PPP2R5D: variants seen among roughly 807,000 people sequenced by gnomAD.
PPP2R5D encodes the protein serine/threonine-protein phosphatase 2A 56 kDa regulatory subunit delta isoform.
A neutral mutation model predicts 79.1 loss-of-function variants in PPP2R5D; 12 were observed. That is an observed-to-expected ratio of 0.15 (90% CI 0.10 to 0.25). The LOEUF (loss-of-function observed/expected upper bound fraction) is 0.25. PPP2R5D is among the 10% of genes least tolerant of loss of function. The pLI is 1.00. For synonymous variants in PPP2R5D, 277 were observed against 286.6 expected (o/e 0.97, Z 0.34); for missense variants, 419 against 760.2 (o/e 0.55, Z 5.28).
intron 2 of PPP2R5D, among the ~76,000 whole-genome samples, chr6:42,994,321 CCAGTAAGG>C (rs935845963): frequency 6.6e-6 from 1 of 152,092 alleles, no homozygotes; most frequent in Non-Finnish European, 1.5e-5. Flanking sequence ...TTTTATTCAG[CCAGTAAGG>C]CAGTAAGGCA....
chr6:42,998,013 ATTTATATATATATATATATATAT>A lies in PPP2R5D; in HGVS notation c.105+8326_105+8348del, dbSNP rs1771839907. On this transcript the variant is annotated intron_variant, in intron 2 of 15. Coordinates refer to ENST00000485511, the MANE Select transcript of PPP2R5D (RefSeq NM_006245.4). The stretch of plus-strand genomic sequence containing the variant: ...ATTTATATTTGAATATTTGGGTTTT[ATTTATATATATATATATATATAT>A]ATATATATATATATATATATATTTT... Among the ~76,000 whole-genome samples the A allele has an allele frequency of 7.7e-3, 296 of 38,404 alleles. 3 individuals carry two copies. Among genetic ancestry groups the A allele is most frequent in the Middle Eastern group, 0.022 (1 of 46 alleles). The allele number at this position is 38,404 out of a possible 152,430, so 25.2% of individuals were successfully genotyped here. A position where few individuals can be genotyped will look rare whatever the true frequency, so the allele number is the denominator to read the frequency against.
Position 43,008,893 on chromosome 6 carries a change from C to G in PPP2R5D, c.1080+147C>G. On this transcript the variant is annotated intron_variant, in intron 10 of 15. Transcript: ENST00000485511. This position sits in a 1 kb window ranked among gnomAD's most constrained non-coding sequence, Gnocchi z 4.2. ...TTTCCTCTCTGAAGGGGAAGCAAAA[C>G]CTATATACACCTAGGAAACAGATCC... is the stretch of plus-strand genomic sequence containing the variant. 8.0e-7 allele frequency: 1 copy of G among 1,244,758 alleles called. No homozygotes were observed. Among genetic ancestry groups the G allele is most frequent in the Non-Finnish European group, 1.1e-6 (1 of 885,552 alleles). The allele number at this position is 1,244,758 out of a possible 1,614,324, so 77.1% of individuals were successfully genotyped here. A position where few individuals can be genotyped will look rare whatever the true frequency, so the allele number is the denominator to read the frequency against.
At chr6:43,002,902 T>C (rs1761837246) in intron 2 of PPP2R5D, among the ~76,000 whole-genome samples, 2 of 151,662 alleles carry the variant, frequency 1.3e-5, no homozygotes, top group South Asian at 4.1e-4. Context: ...TTCCCTGTGG[T>C]GAGGGTACCC....
At chr6:42,994,655 A>C (rs748963256) in intron 2 of PPP2R5D, among the ~76,000 whole-genome samples, 10 of 151,982 alleles carry the variant, frequency 6.6e-5, no homozygotes, top group Non-Finnish European at 1.2e-4. Context: ...TAATACAAAA[A>C]TTAGCTGGGC....
At chr6:42,991,950 T>G (rs1771293553) in intron 2 of PPP2R5D, among the ~76,000 whole-genome samples, 2 of 152,188 alleles carry the variant, frequency 1.3e-5, no homozygotes, top group South Asian at 4.1e-4. Context: ...GCAGGAATTA[T>G]CCATGATTTT....
rs1274567000 is a variant in PPP2R5D at position 43,006,431 on chromosome 6, A to G, written c.106-32A>G. 6.2e-7 allele frequency: 1 copy of G among 1,607,896 alleles called. No homozygotes were observed. The highest frequency in any genetic ancestry group is 2.2e-5 in the East Asian group (1 of 44,804). On this transcript the variant is annotated intron_variant, in intron 2 of 15. Coordinates refer to ENST00000485511, the MANE Select transcript of PPP2R5D (RefSeq NM_006245.4). This position sits in a 1 kb window ranked among gnomAD's most constrained non-coding sequence, Gnocchi z 4.7. ...CCAGGGTGGGAGGCATATCTTGGGA[A>G]GTGGATTTCAACAGGTGACTTGTTT...
At chr6:42,998,040 T>C (rs1295173877) in intron 2 of PPP2R5D, among the ~76,000 whole-genome samples, 8 of 29,290 alleles carry the variant, frequency 2.7e-4, no homozygotes, top group South Asian at 1.5e-3. Context: ...TATATATATA[T>C]ATATATATAT....
At chr6:42,991,008 G>A (rs747153327) in intron 2 of PPP2R5D, among the ~76,000 whole-genome samples, 11 of 152,048 alleles carry the variant, frequency 7.2e-5, no homozygotes, top group African/African-American at 1.9e-4. Flanking sequence ...CACTGCACCC[G>A]GCCCTTATGC....
intron 2 of PPP2R5D, among the ~76,000 whole-genome samples, chr6:42,991,859 C>T (rs1172773877): frequency 6.6e-6 from 1 of 152,164 alleles, no homozygotes; most frequent in Non-Finnish European, 1.5e-5. Flanking sequence ...CTATTACAAG[C>T]AATCTGGGAA....
chr6:42,984,574 C>T lies in PPP2R5D; in HGVS notation c.-104C>T, dbSNP rs1770677986. ...CAGGCACCGCTCGACCCGGGCGCAG[C>T]GCGCAGGCGGTGGCGAAGAGACGCC... On this transcript the variant is annotated 5_prime_UTR_variant, in exon 1 of 16. Coordinates refer to ENST00000485511, the MANE Select transcript of PPP2R5D (RefSeq NM_006245.4). 20 of 1,454,352 alleles carry T rather than the reference C, an allele frequency of 1.4e-5. No individual in the cohort carries two copies. Among genetic ancestry groups the T allele is most frequent in the Non-Finnish European group, 1.6e-5 (18 of 1,106,578 alleles). The allele number at this position is 1,454,352 out of a possible 1,614,324, so 90.1% of individuals were successfully genotyped here.
intron 2 of PPP2R5D, among the ~76,000 whole-genome samples, chr6:42,991,976 C>T (rs745916234): frequency 5.9e-5 from 9 of 152,150 alleles, no homozygotes; most frequent in African/African-American, 9.7e-5. Flanking sequence ...AATGTACCCA[C>T]GTCTGGTATG....
chr6:42,988,071 C>T (rs1334365902), intron 1 of PPP2R5D, among the ~76,000 whole-genome samples: 1 of 152,022 alleles, frequency 6.6e-6, no homozygotes, highest in Admixed American at 6.6e-5. Flanking sequence ...ACTCCTTCCC[C>T]CTACTGCATG....
At chr6:43,005,953 A>G (rs1390787246) in intron 2 of PPP2R5D, among the ~76,000 whole-genome samples, 1 of 152,162 alleles carries the variant, frequency 6.6e-6, no homozygotes, top group Non-Finnish European at 1.5e-5. Context: ...ACTGTCATAC[A>G]TTCAGTAAAG....
chr6:42,987,928 C>T (rs1270370139), intron 1 of PPP2R5D, among the ~76,000 whole-genome samples: 2 of 152,102 alleles, frequency 1.3e-5, no homozygotes, highest in Non-Finnish European at 2.9e-5. Flanking sequence ...TGTGCAGACA[C>T]CTCAATGTTG....
In PPP2R5D at chr6:43,010,558, A is replaced by C; in HGVS notation, c.1470A>C (p.Ala490=). Residue 490 remains alanine (A), a synonymous_variant, in exon 13 of 16, where the codon GCA becomes GCC. Transcript: ENST00000485511. The surrounding 1 kb of genome is among the most constrained non-coding windows in gnomAD (Gnocchi z 4.7). Reference sequence around the variant, plus strand: ...ATGACTGCACACAACAATACAAGGCAGAGAAGCAGAAGTGAGTATCTCTCT... The same window carrying C: ...ATGACTGCACACAACAATACAAGGCCGAGAAGCAGAAGTGAGTATCTCTCT... ...LFDDCTQQYK[A]EKQKGRFRMK... is the part of the protein sequence containing the mutation. The C allele has an allele frequency of 1.2e-6, 2 of 1,614,140 alleles. No individual in the cohort carries two copies. Among genetic ancestry groups the C allele is most frequent in the African/African-American group, 2.7e-5 (2 of 75,038 alleles).
At chr6:43,000,228 C>A (rs1342464682) in intron 2 of PPP2R5D, among the ~76,000 whole-genome samples, 1 of 126,018 alleles carries the variant, frequency 7.9e-6, no homozygotes, top group African/African-American at 3.6e-5. Flanking sequence ...GCCACCACGT[C>A]TGGCCACCTT....
chr6:42,998,040 T>TATATATATATAC (rs1771873707), intron 2 of PPP2R5D, among the ~76,000 whole-genome samples: 7 of 29,296 alleles, frequency 2.4e-4, no homozygotes, highest in African/African-American at 5.3e-4. Context: ...TATATATATA[T>TATATATATATAC]ATATATATAT....
chr6:43,009,206 T>C lies in PPP2R5D; in HGVS notation c.1230T>C (p.Cys410=). Residue 410 remains cysteine, a synonymous_variant, in exon 11 of 16, where the codon TGT becomes TGC. Coordinates refer to ENST00000485511, the MANE Select transcript of PPP2R5D (RefSeq NM_006245.4). This position sits in a 1 kb window ranked among gnomAD's most constrained non-coding sequence, Gnocchi z 5.6. ...CCCTCTTCCGCCAGCTGGCCAAGTGTGTCTCTAGCCCCCATTTCCAGGTGA... is the reference window on the plus strand; with the variant it reads ...CCCTCTTCCGCCAGCTGGCCAAGTGCGTCTCTAGCCCCCATTTCCAGGTGA... ...MEPLFRQLAK[C]VSSPHFQVAE... is the part of the protein sequence containing the mutation. The C allele has an allele frequency of 1.2e-6, 2 of 1,614,176 alleles. No homozygotes were observed. Among genetic ancestry groups the C allele is most frequent in the Non-Finnish European group, 1.7e-6 (2 of 1,180,046 alleles).
rs760380356 is a variant in PPP2R5D at position 43,010,857 on chromosome 6, G to A, written c.1555-24G>A. On this transcript the variant is annotated intron_variant, in intron 14 of 15. Transcript: ENST00000485511. This position sits in a 1 kb window ranked among gnomAD's most constrained non-coding sequence, Gnocchi z 4.7. ...CCAAGCCTCTGAAGTGGCTCTTAAC[G>A]CTTGTCCATGTCTCCTCACTCAGTA... The A allele has an allele frequency of 8.7e-6, 14 of 1,607,778 alleles. No individual in the cohort carries two copies. The South Asian group carries it at 1.1e-4, about 13-fold the overall frequency.
Sources: gnomAD v4.1 joint callset for allele counts (sites outside exome capture counted in the v4.1 genomes callset) on GRCh38, gnomAD v4.1.1 for gene constraint, Gnocchi (gnomAD v3.1) non-coding constraint, MANE v1.5 for transcripts, NCBI Gene and HGNC (gene_info 2026-07-23, HGNC 2026-07-21) for gene names.